PRKCI: variants seen among roughly 807,000 people sequenced by gnomAD.
The protein encoded by PRKCI is protein kinase C iota type.
A neutral mutation model predicts 84.0 loss-of-function variants in PRKCI; 43 were observed. That is an observed-to-expected ratio of 0.51 (90% confidence interval 0.40 to 0.66). The LOEUF (loss-of-function observed/expected upper bound fraction) is 0.66. Among genes scored for constraint, PRKCI ranks in the 30% least tolerant of loss-of-function variants. PRKCI has a pLI of 0.00. For synonymous variants in PRKCI, 216 were observed against 234.4 expected, an observed-to-expected ratio of 0.92 and a Z score of 0.72; for missense variants, 459 against 745.6, an observed-to-expected ratio of 0.62 and a Z score of 4.48.
At chr3:170,247,999 T>TGACTGCATATCCAGAGGCAG (rs1350069028) in intron 2 of PRKCI, among the ~76,000 whole-genome samples, 1 of 152,192 alleles carries the variant, frequency 6.6e-6, no homozygotes, top group Admixed American at 6.5e-5. Flanking sequence ...TTTAGTGTTC[T>TGACTGCATATCCAGAGGCAG]GACTGCATAT....
At chr3:170,262,550 A>G (rs1045170742) in intron 3 of PRKCI, among the ~76,000 whole-genome samples, 18 of 152,120 alleles carry the variant, frequency 1.2e-4, no homozygotes, top group Non-Finnish European at 2.1e-4. Flanking sequence ...GCATGATCTC[A>G]GCTTACTGCA....
At chr3:170,257,827 G>A (rs1301686927) in intron 2 of PRKCI, among the ~76,000 whole-genome samples, 1 of 152,030 alleles carries the variant, frequency 6.6e-6, no homozygotes, top group East Asian at 1.9e-4. Context: ...ACCACGCCCA[G>A]CTAATTTTTG....
At chr3:170,238,685 T>G (rs150076490) in intron 2 of PRKCI, among the ~76,000 whole-genome samples, 3,162 of 151,594 alleles carry the variant, frequency 0.021, 50 homozygotes, top group East Asian at 0.084. Flanking sequence ...TCCTCCTCCT[T>G]GGTTCAAGCA....
Position 170,280,288 on chromosome 3 carries a change from T to C in PRKCI, c.767T>C (p.Leu256Ser). ...SSSLGLQDFD[L>S]LRVIGRGSYA... is the part of the protein sequence containing the mutation. ...AGTCTAGGTCTTCAGGATTTTGATTTGCTCCGGGTAATAGGAAGAGGAAGT... is the reference window on the plus strand; with the variant it reads ...AGTCTAGGTCTTCAGGATTTTGATTCGCTCCGGGTAATAGGAAGAGGAAGT... Residue 256 changes from leucine (L) to serine (S), a missense_variant, in exon 9 of 18, where the codon TTG (leucine) becomes TCG (serine). Physicochemically the swap from Leu to Ser is moderately radical, Grantham distance 145. Coordinates refer to ENST00000295797, the MANE Select transcript of PRKCI (RefSeq NM_002740.6). 1 of 1,613,430 alleles carries C rather than the reference T, an allele frequency of 6.2e-7. No homozygotes were observed. The highest frequency in any genetic ancestry group is 8.5e-7 in the Non-Finnish European group (1 of 1,179,992).
Position 170,293,488 on chromosome 3 carries a change from C to A in PRKCI, c.1397C>A (p.Thr466Lys). The A allele has an allele frequency of 6.2e-7, 1 of 1,613,674 alleles. No homozygotes were observed. Among genetic ancestry groups the A allele is most frequent in the Non-Finnish European group, 8.5e-7 (1 of 1,179,760 alleles). The change falls in exon 14 of 18, where the codon ACA (threonine) becomes AAA (lysine). Residue 466 changes from threonine (T) to lysine (K), a missense_variant. Coordinates refer to ENST00000295797, the MANE Select transcript of PRKCI (RefSeq NM_002740.6). ...VGSSDNPDQN[T>K]EDYLFQVILE... The stretch of plus-strand genomic sequence containing the variant: ...AGCTCCGATAACCCTGACCAGAACA[C>A]AGAGGATTATCTCTTCCAAGGTAAT...
At chr3:170,239,561 A>T (rs1487975806) in intron 2 of PRKCI, among the ~76,000 whole-genome samples, 2 of 152,194 alleles carry the variant, frequency 1.3e-5, no homozygotes, top group Non-Finnish European at 2.9e-5. Context: ...GCGATAGTCC[A>T]TTAAACGTTT....
chr3:170,252,684 G>A (rs935793954), intron 2 of PRKCI, among the ~76,000 whole-genome samples: 4 of 148,824 alleles, frequency 2.7e-5, no homozygotes, highest in African/African-American at 9.9e-5. Flanking sequence ...CTGCAGCCTT[G>A]ACCTCCCATG....
In PRKCI at chr3:170,284,603, A is replaced by G. The variant is rs759523712; in HGVS notation, c.1203+7A>G. ...TGACTACGGCATGTGTAAGGTGAGG[A>G]AAATTTTCTAGTTATTTTAAAAGGT... is the stretch of plus-strand genomic sequence containing the variant. On this transcript the variant is annotated splice_region_variant and intron_variant, in intron 12 of 17. Coordinates refer to ENST00000295797, the MANE Select transcript of PRKCI (RefSeq NM_002740.6). 1.9e-6 allele frequency: 3 copies of G among 1,605,682 alleles called. No individual in the cohort carries two copies. The highest frequency in any genetic ancestry group is 1.1e-5 in the South Asian group (1 of 88,906).
At chr3:170,300,611 T>C (rs1045709380) in intron 17 of PRKCI, among the ~76,000 whole-genome samples, 3 of 151,458 alleles carry the variant, frequency 2.0e-5, no homozygotes, top group Non-Finnish European at 4.4e-5. Flanking sequence ...TAGATGTTCA[T>C]GGTCAAAGAA....
rs1326909042 is a variant in PRKCI at position 170,274,992 on chromosome 3, G to A, written c.647-237G>A. On this transcript the variant is annotated intron_variant, in intron 7 of 17. Coordinates refer to ENST00000295797, the MANE Select transcript of PRKCI (RefSeq NM_002740.6). ...GTTAAAAGCAGTACTTGGCTACCAG[G>A]TTGTGATGCTTGCTCTCTTTACCCT... is the stretch of plus-strand genomic sequence containing the variant. 3.9e-5 allele frequency among the ~76,000 whole-genome samples: 6 copies of A among 152,078 alleles called. No individual in the cohort carries two copies. In the East Asian group the frequency reaches 1.2e-3, roughly 29 times the overall value.
intron 5 of PRKCI, among the ~76,000 whole-genome samples, chr3:170,268,655 G>C (rs927000908): frequency 5.3e-5 from 8 of 152,096 alleles, no homozygotes; most frequent in African/African-American, 1.4e-4. Context: ...GATTTTCACT[G>C]TTTAGAAAAT....
chr3:170,285,748 TG>T (rs1734366958), intron 12 of PRKCI, among the ~76,000 whole-genome samples: 1 of 149,776 alleles, frequency 6.7e-6, no homozygotes, highest in South Asian at 2.1e-4. Context: ...TAATTATTGT[TG>T]TTTTTTTTTT....
At chr3:170,272,449 G>C (rs182556935) in intron 6 of PRKCI, among the ~76,000 whole-genome samples, 1 of 152,262 alleles carries the variant, frequency 6.6e-6, no homozygotes, top group African/African-American at 2.4e-5. Context: ...TTAGGAATGG[G>C]TTTGTAGTAA....
chr3:170,289,934 G>A (rs1042527256), intron 12 of PRKCI, among the ~76,000 whole-genome samples: 2 of 151,734 alleles, frequency 1.3e-5, no homozygotes, highest in South Asian at 2.1e-4. Flanking sequence ...AAAGCCAGGC[G>A]TGGTTGCATG....
intron 1 of PRKCI, among the ~76,000 whole-genome samples, chr3:170,231,224 G>A (rs985555635): frequency 6.6e-6 from 1 of 151,902 alleles, no homozygotes; most frequent in Admixed American, 6.6e-5. Flanking sequence ...GCCTCCCGGA[G>A]TGTTGAGATT....
intron 9 of PRKCI, among the ~76,000 whole-genome samples, chr3:170,280,715 G>T (rs1246191044): frequency 6.6e-6 from 1 of 152,016 alleles, no homozygotes; most frequent in East Asian, 1.9e-4. Context: ...TCCCAAAGTT[G>T]CTAGGAATAT....
intron 1 of PRKCI, among the ~76,000 whole-genome samples, chr3:170,229,981 A>T (rs1004810886): frequency 1.3e-5 from 2 of 151,932 alleles, no homozygotes; most frequent in Non-Finnish European, 2.9e-5. Flanking sequence ...TAATTTGTTG[A>T]CAGGACATTG....
intron 8 of PRKCI, among the ~76,000 whole-genome samples, 195 bp downstream of exon 8, chr3:170,275,482 T>G (rs1361640788): frequency 2.0e-5 from 3 of 152,124 alleles, no homozygotes; most frequent in Non-Finnish European, 4.4e-5. Flanking sequence ...GGAAATAATT[T>G]AGTGGGATAA....
chr3:170,260,133 G>A, intron 3 of PRKCI, 75 bp downstream of exon 3: 1 of 963,712 alleles, frequency 1.0e-6, no homozygotes, highest in Non-Finnish European at 1.6e-6. Context: ...TCACCATTTT[G>A]AAACATAATC....
Sources: gnomAD v4.1 joint callset for allele counts (sites outside exome capture counted in the v4.1 genomes callset) on GRCh38, gnomAD v4.1.1 for gene constraint, MANE v1.5 for transcripts, NCBI Gene and HGNC (gene_info 2026-07-23, HGNC 2026-07-21) for gene names.